EPHA6: variants seen among roughly 807,000 people sequenced by gnomAD.
EPHA6 encodes ephrin type-A receptor 6.
A neutral mutation model predicts 112.0 loss-of-function variants in EPHA6; 50 were observed. The ratio of observed to expected loss-of-function variants is 0.45; its 90% CI spans 0.36 to 0.56. The LOEUF is 0.56. EPHA6 is among the 20% of genes least tolerant of loss of function. The pLI is 0.00. For synonymous variants in EPHA6, 529 were observed against 490.7 expected (o/e 1.08, Z -1.03); for missense variants, 1,280 against 1,417.4 (o/e 0.90, Z 1.56).
intron 4 of EPHA6, among the ~76,000 whole-genome samples, chr3:97,242,870 A>G (rs2078887605): frequency 6.6e-6 from 1 of 151,728 alleles, no homozygotes; most frequent in Non-Finnish European, 1.5e-5. Context: ...AGTCATTTAT[A>G]TAGTATATTA....
chr3:97,255,063 A>G (rs532605568), intron 5 of EPHA6, among the ~76,000 whole-genome samples: 1 of 152,044 alleles, frequency 6.6e-6, no homozygotes, highest in Non-Finnish European at 1.5e-5. Flanking sequence ...AGTGTTCTTC[A>G]TGAATGTTCA....
At chr3:97,186,247 C>T (rs569745998) in intron 3 of EPHA6, among the ~76,000 whole-genome samples, 1 of 152,162 alleles carries the variant, frequency 6.6e-6, no homozygotes, top group South Asian at 2.1e-4. Flanking sequence ...CTAAGCAGCC[C>T]TCTCAGCCTG....
intron 3 of EPHA6, among the ~76,000 whole-genome samples, chr3:97,127,658 T>C (rs1242141980): frequency 6.7e-6 from 1 of 148,298 alleles, no homozygotes; most frequent in Admixed American, 6.8e-5. Context: ...GAGGCAGAGG[T>C]GAGCCGAGAT....
chr3:97,545,203 G>A (rs969499504), intron 11 of EPHA6, among the ~76,000 whole-genome samples: 15 of 152,000 alleles, frequency 9.9e-5, no homozygotes, highest in Admixed American at 6.6e-4. Flanking sequence ...TGGGCATTTA[G>A]TGCTATAAAT....
At chr3:97,246,079 T>C (rs2108586355) in intron 5 of EPHA6, among the ~76,000 whole-genome samples, 1 of 152,080 alleles carries the variant, frequency 6.6e-6, no homozygotes, top group Non-Finnish European at 1.5e-5. Context: ...AAAATAGAAT[T>C]CCTATTTTCT....
chr3:97,216,140 G>A (rs894073860), intron 3 of EPHA6, among the ~76,000 whole-genome samples: 1 of 152,114 alleles, frequency 6.6e-6, no homozygotes, highest in Admixed American at 6.6e-5. Context: ...GATTCTTCTG[G>A]CAGTACAAGC....
chr3:97,146,708 T>G (rs1445332950), intron 3 of EPHA6, among the ~76,000 whole-genome samples: 1 of 151,988 alleles, frequency 6.6e-6, no homozygotes, highest in Non-Finnish European at 1.5e-5. Flanking sequence ...GATTCTACCT[T>G]TCTTTGAAAA....
chr3:97,346,005 T>G (rs768623833), intron 5 of EPHA6, among the ~76,000 whole-genome samples: 1 of 152,128 alleles, frequency 6.6e-6, no homozygotes, highest in Non-Finnish European at 1.5e-5. Context: ...GTTTGTCCCT[T>G]AATATACTGT....
At chr3:97,602,413 A>T (rs557800655) in intron 12 of EPHA6, among the ~76,000 whole-genome samples, 2 of 152,150 alleles carry the variant, frequency 1.3e-5, no homozygotes, top group Middle Eastern at 3.4e-3. Context: ...CCCTTCCAGG[A>T]TATTTCTAGG....
At chr3:97,028,587 G>A (rs1180041687) in intron 3 of EPHA6, among the ~76,000 whole-genome samples, 1 of 151,966 alleles carries the variant, frequency 6.6e-6, no homozygotes, top group Non-Finnish European at 1.5e-5. Flanking sequence ...TAAGGAACAA[G>A]TACCATGATC....
intron 5 of EPHA6, among the ~76,000 whole-genome samples, chr3:97,374,002 C>T (rs1577140766): frequency 6.6e-6 from 1 of 152,036 alleles, no homozygotes; most frequent in Middle Eastern, 3.2e-3. Context: ...CAAAACTTTT[C>T]AAAGCTTTTT....
At chr3:96,856,447 A>G (rs2035703760) in intron 1 of EPHA6, among the ~76,000 whole-genome samples, 1 of 152,186 alleles carries the variant, frequency 6.6e-6, no homozygotes, top group African/African-American at 2.4e-5. Flanking sequence ...TGGTTTATAA[A>G]TCAAGTGAAT....
intron 12 of EPHA6, among the ~76,000 whole-genome samples, chr3:97,602,835 ATTAT>A (rs1258812985): frequency 7.2e-5 from 11 of 152,020 alleles, no homozygotes; most frequent in African/African-American, 2.7e-4. Context: ...GCAGCATATA[ATTAT>A]TTATTTGACA....
intron 5 of EPHA6, among the ~76,000 whole-genome samples, chr3:97,391,330 T>G (rs2109062445): frequency 6.6e-6 from 1 of 152,050 alleles, no homozygotes; most frequent in South Asian, 2.1e-4. Flanking sequence ...AGCTACTTAA[T>G]GTGTTTGTAT....
At chr3:97,070,506 A>G (rs921542722) in intron 3 of EPHA6, among the ~76,000 whole-genome samples, 4 of 152,108 alleles carry the variant, frequency 2.6e-5, no homozygotes, top group Middle Eastern at 3.2e-3. Context: ...ATCTTGATAT[A>G]CTGGTTTGTC....
chr3:97,203,986 T>TAATAAATGA (rs2077646960), intron 3 of EPHA6, among the ~76,000 whole-genome samples: 1 of 151,502 alleles, frequency 6.6e-6, no homozygotes, highest in Non-Finnish European at 1.5e-5. Context: ...AGTATAAAAA[T>TAATAAATGA]AATAAATGAA....
intron 15 of EPHA6, among the ~76,000 whole-genome samples, chr3:97,725,618 T>G (rs1276659751): frequency 6.6e-6 from 1 of 152,126 alleles, no homozygotes; most frequent in Non-Finnish European, 1.5e-5. Context: ...AAAAGACCAG[T>G]CGGGCTTTAG....
chr3:97,758,205 A>G lies in EPHA6; in HGVS notation c.*9504A>G, dbSNP rs2036071516. Among the ~76,000 whole-genome samples the G allele has an allele frequency of 6.6e-6, 1 of 151,966 alleles. No individual in the cohort carries two copies. Among genetic ancestry groups the G allele is most frequent in the African/African-American group, 2.4e-5 (1 of 41,428 alleles). On this transcript the variant is annotated 3_prime_UTR_variant, in exon 18 of 18. Coordinates refer to ENST00000389672, the MANE Select transcript of EPHA6 (RefSeq NM_001080448.3). ...CTGCTTATTTTCTTCAGAGTTTCCAAAAACCTTTGAGAAAACAAAATAATC... is the reference window on the plus strand; with the variant it reads ...CTGCTTATTTTCTTCAGAGTTTCCAGAAACCTTTGAGAAAACAAAATAATC...
intron 5 of EPHA6, among the ~76,000 whole-genome samples, chr3:97,404,940 C>T (rs570317513): frequency 6.6e-6 from 1 of 152,182 alleles, no homozygotes; most frequent in East Asian, 1.9e-4. Context: ...TTGAGTTTTT[C>T]CTGTGTTCCC....
Sources: allele counts gnomAD v4.1 joint callset (sites outside exome capture counted in the v4.1 genomes callset), GRCh38; gene constraint gnomAD v4.1.1; transcripts MANE v1.5; gene names NCBI Gene and HGNC (gene_info 2026-07-23, HGNC 2026-07-21).